SLC37A2: variants seen among roughly 807,000 people sequenced by gnomAD.
SLC37A2 encodes the protein solute carrier family 37 member 2.
In SLC37A2, 59 loss-of-function variants were observed where a neutral mutation model predicts 70.7. The ratio of observed to expected loss-of-function variants is 0.83; its 90% CI spans 0.68 to 1.04. The LOEUF (loss-of-function observed/expected upper bound fraction) is 1.04, where lower values mean the gene tolerates loss of function less well. SLC37A2 is among the 50% of genes least tolerant of loss of function. The pLI, the probability that SLC37A2 is intolerant of heterozygous loss-of-function variation, is 0.00. For missense variants in SLC37A2, 580 were observed against 658.1 expected (o/e 0.88, Z 1.30); for synonymous variants, 257 against 262.1 (o/e 0.98, Z 0.19).
Position 125,085,616 on chromosome 11 carries a change from C to T in SLC37A2, c.1367C>T (p.Pro456Leu). ...CCTCTGCTGGCTGGGCTCATCTCCC[C>T]CACGGGCTGGAACAATGTCTTCTAC... ...LGPLLAGLIS[P>L]TGWNNVFYML... The change falls in exon 16 of 18, where the codon CCC becomes CTC. Residue 456 changes from proline to leucine, a missense_variant. Pro to Leu is a moderately conservative substitution (Grantham distance 98). Transcript: ENST00000403796. 2.5e-6 allele frequency: 4 copies of T among 1,613,870 alleles called. No individual in the cohort carries two copies. The highest frequency in any genetic ancestry group is 2.5e-6 in the Non-Finnish European group (3 of 1,180,026).
At chr11:125,066,472 T>C (rs78684997) in intron 1 of SLC37A2, among the ~76,000 whole-genome samples, 4,294 of 152,236 alleles carry the variant, frequency 0.028, 201 homozygotes, top group African/African-American at 0.098. Context: ...TTAAGAAGCA[T>C]CAAAGTAAAA....
intron 4 of SLC37A2, among the ~76,000 whole-genome samples, chr11:125,078,507 G>A (rs1949113504): frequency 6.6e-6 from 1 of 152,172 alleles, no homozygotes; most frequent in Non-Finnish European, 1.5e-5. Context: ...TAGCTAAGAG[G>A]TAGCCCGGTG....
At chr11:125,075,334 C>G (rs1271874682) in intron 1 of SLC37A2, among the ~76,000 whole-genome samples, 2 of 152,202 alleles carry the variant, frequency 1.3e-5, no homozygotes, top group Non-Finnish European at 2.9e-5. Flanking sequence ...CAGGTGGAAC[C>G]CGGAAAACAT....
At chr11:125,065,555 T>C (rs1354465038) in intron 1 of SLC37A2, among the ~76,000 whole-genome samples, 1 of 152,176 alleles carries the variant, frequency 6.6e-6, no homozygotes, top group African/African-American at 2.4e-5. Flanking sequence ...AGCCAGAGAG[T>C]GACCTTCCTT....
intron 1 of SLC37A2, among the ~76,000 whole-genome samples, chr11:125,071,337 G>A (rs1382197593): frequency 6.6e-6 from 1 of 152,122 alleles, no homozygotes; most frequent in Admixed American, 6.5e-5. Context: ...AAACCTGTTG[G>A]CTGCCTCTTC....
chr11:125,090,106 T>TGTGTCGAAACTC lies in SLC37A2; in HGVS notation c.*1972_*1973insGTGTCGAAACTC, dbSNP rs1949268533. 4 of 143,958 alleles carry TGTGTCGAAACTC rather than the reference T, an allele frequency of 2.8e-5. No homozygotes were observed. The highest frequency in any genetic ancestry group is 3.6e-3 in the Middle Eastern group (1 of 274). 8.9% of individuals were successfully genotyped at this position (143,958 alleles called of 1,614,324 possible). ...GCTCTGGTGGGGCCTCGGAGAACCT[T>TGTGTCGAAACTC]TATATCTAGCTCAGGGATTGTAAAT... On this transcript the variant is annotated 3_prime_UTR_variant, in exon 18 of 18. Coordinates refer to ENST00000403796, the MANE Select transcript of SLC37A2 (RefSeq NM_001145290.2).
rs543132356 is a variant in SLC37A2, at chr11:125,089,937, C to T, written c.*1803C>T. On this transcript the variant is annotated 3_prime_UTR_variant, in exon 18 of 18. Coordinates refer to ENST00000403796, the MANE Select transcript of SLC37A2 (RefSeq NM_001145290.2). ...ACCTGCAGCCCCGGTGCGGGATCCA[C>T]TAGGTGAAGCCAGCTGGGCTCCTGA... 1 of 154,932 alleles carries T rather than the reference C, an allele frequency of 6.5e-6. No homozygotes were observed. The highest frequency in any genetic ancestry group is 2.0e-4 in the South Asian group (1 of 4,996). 9.6% of individuals were successfully genotyped at this position (154,932 alleles called of 1,614,324 possible).
At position 125,081,366 on chromosome 11, in the gene SLC37A2, G is replaced by A. The variant is rs2047377716; in HGVS notation, c.695-55G>A. ...AAGGTGAGGGCCTGGCAATCACCTC[G>A]GGATTGGGGGGGCGGGGGTTGGGAA... On this transcript the variant is annotated intron_variant, in intron 7 of 17. Transcript: ENST00000403796. 75 of 1,559,198 alleles carry A rather than the reference G, an allele frequency of 4.8e-5. No homozygotes were observed. The South Asian group carries it at 8.5e-4, about 18-fold the overall frequency.
chr11:125,081,481 C>A (rs1279840493), intron 8 of SLC37A2, 23 bp downstream of exon 8: 1 of 1,602,912 alleles, frequency 6.2e-7, no homozygotes, highest in Admixed American at 1.7e-5. Flanking sequence ...CCTCCCAGCC[C>A]TATCCCTGCC....
Position 125,085,634 on chromosome 11 carries a change from T to C in SLC37A2, c.1385T>C (p.Val462Ala). 8 of 1,613,760 alleles carry C rather than the reference T, an allele frequency of 5.0e-6. No individual in the cohort carries two copies. Among genetic ancestry groups the C allele is most frequent in the South Asian group, 1.1e-5 (1 of 91,086 alleles). The change falls in exon 16 of 18, where the codon GTC becomes GCC. Residue 462 changes from valine to alanine, a missense_variant. Physicochemically the swap from Val to Ala is moderately conservative, Grantham distance 64. Coordinates refer to ENST00000403796, the MANE Select transcript of SLC37A2 (RefSeq NM_001145290.2). ...GLISPTGWNN[V>A]FYMLISADVL... ...ATCTCCCCCACGGGCTGGAACAATG[T>C]CTTCTACATGCTCATCTCTGCCGAC... is the stretch of plus-strand genomic sequence containing the variant.
At chr11:125,066,567 G>T (rs1230240677) in intron 1 of SLC37A2, among the ~76,000 whole-genome samples, 1 of 152,182 alleles carries the variant, frequency 6.6e-6, no homozygotes. Flanking sequence ...GATCTGATGA[G>T]AATTCATGAC....
In SLC37A2 at chr11:125,085,672, T is replaced by C. The variant is rs1217920446; in HGVS notation, c.1423T>C (p.Leu475=). 6.2e-7 allele frequency: 1 copy of C among 1,612,318 alleles called. No individual in the cohort carries two copies. ...MLISADVLAC[L]LLCRLVYKEI... is the part of the protein sequence containing the mutation. The stretch of plus-strand genomic sequence containing the variant: ...CATCTCTGCCGACGTCCTAGCCTGC[T>C]TGGTAAGAGTCTTGGGGTACACAGA... Residue 475 remains leucine, a splice_region_variant and synonymous_variant, in exon 16 of 18, where the codon TTG becomes CTG. Transcript: ENST00000403796.
At chr11:125,071,301 C>T (rs1565394695) in intron 1 of SLC37A2, among the ~76,000 whole-genome samples, 1 of 152,198 alleles carries the variant, frequency 6.6e-6, no homozygotes, top group African/African-American at 2.4e-5. Context: ...TTTACACAAC[C>T]TTTCTTCAGA....
At position 125,063,914 on chromosome 11, in the gene SLC37A2, G is replaced by C. The variant is rs954247186; in HGVS notation, c.59+488G>C. 1.3e-5 allele frequency among the ~76,000 whole-genome samples: 2 copies of C among 152,162 alleles called. No homozygotes were observed. The highest frequency in any genetic ancestry group is 4.8e-5 in the African/African-American group (2 of 41,420). The stretch of plus-strand genomic sequence containing the variant: ...CAGAACTCAGTGGTCCTGGGAGCTC[G>C]TCTCGAGGCCTTTCAGCACCTGGAA... On this transcript the variant is annotated intron_variant, in intron 1 of 17. Transcript: ENST00000403796. The surrounding 1 kb of genome is among the most constrained non-coding windows in gnomAD (Gnocchi z 5.4).
intron 16 of SLC37A2, 47 bp downstream of exon 16, chr11:125,085,721 C>T (rs781700561): frequency 5.9e-5 from 94 of 1,585,438 alleles, no homozygotes; most frequent in Admixed American, 1.2e-4. Context: ...ATGCTCTGTC[C>T]TGCCAGACTG....
At position 125,080,968 on chromosome 11, in the gene SLC37A2, G is replaced by A. The variant is rs540620945; in HGVS notation, c.694+188G>A. On this transcript the variant is annotated intron_variant, in intron 7 of 17. Transcript: ENST00000403796. This position sits in a 1 kb window ranked among gnomAD's most constrained non-coding sequence, Gnocchi z 4.3. ...TAATAGTAATAATAATGTCTATTTC[G>A]TAGGATTTCTGCAGGCTTAACTGAG... Among the ~76,000 whole-genome samples, 7 of 152,240 alleles carry A rather than the reference G, an allele frequency of 4.6e-5. No individual in the cohort carries two copies. The East Asian group carries it at 5.8e-4, about 13-fold the overall frequency.
intron 1 of SLC37A2, among the ~76,000 whole-genome samples, chr11:125,069,852 C>T (rs1949013622): frequency 6.6e-6 from 1 of 152,268 alleles, no homozygotes; most frequent in African/African-American, 2.4e-5. Flanking sequence ...TTAGGCCTTC[C>T]TCGTCAGGAT....
intron 1 of SLC37A2, among the ~76,000 whole-genome samples, chr11:125,070,426 G>A (rs1949018467): frequency 1.3e-5 from 2 of 152,150 alleles, no homozygotes; most frequent in African/African-American, 4.8e-5. Flanking sequence ...CGTGCAGCAG[G>A]GGAATATGAT....
intron 11 of SLC37A2, among the ~76,000 whole-genome samples, 166 bp from the exon 12 acceptor site, chr11:125,084,068 C>T (rs980526327): frequency 1.3e-5 from 2 of 152,138 alleles, no homozygotes; most frequent in African/African-American, 4.8e-5. Context: ...TTTGTTTGGT[C>T]TCCAGTAGTG....
Sources: allele counts gnomAD v4.1 joint callset (sites outside exome capture counted in the v4.1 genomes callset), GRCh38; gene constraint gnomAD v4.1.1; non-coding constraint Gnocchi (gnomAD v3.1); transcripts MANE v1.5; gene names NCBI Gene and HGNC (gene_info 2026-07-23, HGNC 2026-07-21).